JAK1: variants seen among roughly 807,000 people sequenced by gnomAD.
JAK1 encodes Janus kinase 1.
A neutral mutation model predicts 136.6 loss-of-function variants in JAK1; 16 were observed. The observed-to-expected ratio is 0.12, with a 90% CI of 0.08 to 0.18. JAK1 has a LOEUF of 0.18. JAK1 is among the 10% of genes least tolerant of loss of function. The pLI, the probability that JAK1 is intolerant of heterozygous loss-of-function variation, is 1.00. For missense variants in JAK1, 859 were observed against 1,450.1 expected, an observed-to-expected ratio of 0.59 and a Z score of 6.62; for synonymous variants, 492 against 519.5, an observed-to-expected ratio of 0.95 and a Z score of 0.72.
At chr1:64,988,132 C>T (rs550360982) in intron 2 of JAK1, among the ~76,000 whole-genome samples, 4 of 152,100 alleles carry the variant, frequency 2.6e-5, no homozygotes, top group Admixed American at 6.5e-5. Context: ...ATCTTAAATT[C>T]GGCCATATCA....
chr1:64,889,360 A>G (rs990101666), intron 1 of JAK1, among the ~76,000 whole-genome samples: 31 of 152,198 alleles, frequency 2.0e-4, no homozygotes. Flanking sequence ...AGGACCAGGA[A>G]GAGTAATCAG....
At chr1:64,837,446 T>C (rs1489152397) in intron 22 of JAK1, among the ~76,000 whole-genome samples, 1 of 152,202 alleles carries the variant, frequency 6.6e-6, no homozygotes, top group Non-Finnish European at 1.5e-5. Context: ...AGCCAGTGTG[T>C]GGCCTTCTAA....
At chr1:65,045,509 AAGCATGAAATCATG>A (rs1647176381) in intron 1 of JAK1, among the ~76,000 whole-genome samples, 1 of 143,316 alleles carries the variant, frequency 7.0e-6, no homozygotes, top group African/African-American at 3.0e-5. Context: ...GCATGGTGGG[AAGCATGAAATCATG>A]GTGGCTCTGG....
intron 1 of JAK1, among the ~76,000 whole-genome samples, chr1:64,915,900 C>G (rs527991043): frequency 3.2e-4 from 48 of 152,160 alleles, no homozygotes; most frequent in Non-Finnish European, 6.0e-4. Context: ...GATGCTACAG[C>G]CTTCACCCTC....
chr1:64,941,679 A>C (rs568475591), intron 1 of JAK1, among the ~76,000 whole-genome samples: 8 of 152,328 alleles, frequency 5.3e-5, no homozygotes, highest in Non-Finnish European at 1.0e-4. Flanking sequence ...AAAATGAAGA[A>C]ACCAAAGCTC....
chr1:65,053,873 T>C (rs1435993976), intron 1 of JAK1, among the ~76,000 whole-genome samples: 2 of 152,072 alleles, frequency 1.3e-5, no homozygotes, highest in Non-Finnish European at 2.9e-5. Context: ...TAAAATTGGG[T>C]GGTTATTCAG....
At chr1:65,032,522 C>A (rs77662220) in intron 2 of JAK1, among the ~76,000 whole-genome samples, 6,506 of 151,452 alleles carry the variant, frequency 0.043, 180 homozygotes, top group African/African-American at 0.059. Context: ...ACAACAACAA[C>A]AAAAAAAACA....
intron 2 of JAK1, among the ~76,000 whole-genome samples, chr1:65,006,461 G>A (rs1323563863): frequency 6.6e-6 from 1 of 152,096 alleles, no homozygotes; most frequent in Non-Finnish European, 1.5e-5. Flanking sequence ...GGGTTCAAGG[G>A]ATCGTCCTGC....
At chr1:64,854,498 G>A (rs1367900434) in intron 11 of JAK1, among the ~76,000 whole-genome samples, 1 of 152,238 alleles carries the variant, frequency 6.6e-6, no homozygotes, top group East Asian at 1.9e-4. Context: ...CCTCTTTGAC[G>A]CTGACCTTTG....
intron 1 of JAK1, among the ~76,000 whole-genome samples, chr1:65,055,239 T>C (rs1212959362): frequency 6.6e-6 from 1 of 152,122 alleles, no homozygotes; most frequent in Non-Finnish European, 1.5e-5. Context: ...CTCATGTGAG[T>C]GGAATCATAA....
chr1:65,033,366 T>C (rs2050711), intron 2 of JAK1, among the ~76,000 whole-genome samples: 74,621 of 151,738 alleles, frequency 0.49, 23,078 homozygotes, highest in Non-Finnish European at 0.7. Context: ...TTTTTTATTT[T>C]TGTAGAAATG....
chr1:65,017,410 G>A (rs1646899930), intron 2 of JAK1, among the ~76,000 whole-genome samples: 1 of 152,100 alleles, frequency 6.6e-6, no homozygotes, highest in South Asian at 2.1e-4. Flanking sequence ...GGAGGTTGTA[G>A]TGAGCTGAAA....
rs74960499 is a variant in JAK1 at position 64,934,430 on chromosome 1, C to T, written c.-78+31903G>A. ...GCAGGGTCGTTTCCTAACTGGGAGA[C>T]GTGGCATCACTGCAAGCAGAGGTTG... On this transcript the variant is annotated intron_variant, in intron 1 of 24. Coordinates refer to ENST00000342505, the MANE Select transcript of JAK1 (RefSeq NM_002227.4). Among the ~76,000 whole-genome samples, 446 of 152,260 alleles carry T rather than the reference C, an allele frequency of 2.9e-3. 5 individuals carry two copies. The highest frequency in any genetic ancestry group is 0.01 in the African/African-American group (424 of 41,540).
chr1:64,903,597 T>C (rs1645144827), intron 1 of JAK1, among the ~76,000 whole-genome samples: 1 of 152,198 alleles, frequency 6.6e-6, no homozygotes, highest in African/African-American at 2.4e-5. Context: ...ATTCTGGCTT[T>C]TCAGTCAGGA....
At chr1:64,889,312 C>T (rs535970307) in intron 1 of JAK1, among the ~76,000 whole-genome samples, 1 of 152,138 alleles carries the variant, frequency 6.6e-6, no homozygotes, top group Non-Finnish European at 1.5e-5. Flanking sequence ...GGTTCAATTC[C>T]CAACTCAAAT....
At chr1:64,997,741 G>A (rs1347066209) in intron 2 of JAK1, among the ~76,000 whole-genome samples, 1 of 152,076 alleles carries the variant, frequency 6.6e-6, no homozygotes, top group Non-Finnish European at 1.5e-5. Context: ...TTGTGGGGAG[G>A]AGTCTCTTCT....
intron 2 of JAK1, among the ~76,000 whole-genome samples, chr1:65,010,242 A>G (rs1380579876): frequency 6.6e-6 from 1 of 152,204 alleles, no homozygotes; most frequent in Admixed American, 6.5e-5. Flanking sequence ...GACTTCAGAG[A>G]CTAAGACATA....
In JAK1 at chr1:64,845,587, G is replaced by A. The variant is rs2101001369; in HGVS notation, c.2041C>T (p.Arg681Trp). Residue 681 changes from arginine (R) to tryptophan (W), a missense_variant, in exon 15 of 25, where the codon CGG becomes TGG. Transcript: ENST00000342505. ...EGGPLDLFMH[R>W]KSDVLTTPWK... is the part of the protein sequence containing the mutation. ...GGTGTGGTAAGGACATCGCTTTTCC[G>A]GTGCATGAAGAGATCCAGAGGACCC... The A allele has an allele frequency of 3.7e-6, 6 of 1,614,058 alleles. No individual in the cohort carries two copies. Among genetic ancestry groups the A allele is most frequent in the South Asian group, 1.1e-5 (1 of 91,080 alleles).
intron 4 of JAK1, chr1:64,876,026 G>T (rs1200267599): frequency 6.6e-6 from 1 of 152,396 alleles, no homozygotes; most frequent in Non-Finnish European, 1.5e-5. Flanking sequence ...GAGGAAGGCA[G>T]TAATAAGAGA....
Sources: gnomAD v4.1 joint callset for allele counts (sites outside exome capture counted in the v4.1 genomes callset) on GRCh38, gnomAD v4.1.1 for gene constraint, MANE v1.5 for transcripts, NCBI Gene and HGNC (gene_info 2026-07-23, HGNC 2026-07-21) for gene names.